The following SUGCT variants were observed in gnomAD, a reference collection of about 807,000 sequenced individuals.
SUGCT encodes succinyl-CoA:glutarate CoA-transferase.
SUGCT carries 41 observed loss-of-function variants against 55.0 expected under a neutral mutation model. The ratio of observed to expected loss-of-function variants is 0.74; its 90% CI spans 0.58 to 0.97. SUGCT has a LOEUF of 0.97. Ranked by LOEUF, SUGCT falls within the 50% of genes least tolerant of loss-of-function variation. The pLI is 0.00. For missense variants in SUGCT, 568 were observed against 547.8 expected, an observed-to-expected ratio of 1.04 and a Z score of -0.37; for synonymous variants, 187 against 200.4, an observed-to-expected ratio of 0.93 and a Z score of 0.56.
intron 8 of SUGCT, among the ~76,000 whole-genome samples, chr7:40,314,560 T>G (rs1795323225): frequency 2.7e-5 from 1 of 36,984 alleles, no homozygotes; most frequent in Non-Finnish European, 8.3e-5. Flanking sequence ...CCCTTGTGTC[T>G]TTTTTTTTTT....
intron 12 of SUGCT, among the ~76,000 whole-genome samples, chr7:40,676,894 CGTGTGTGTGT>C (rs3221667): frequency 8.9e-4 from 128 of 144,052 alleles, no homozygotes; most frequent in Middle Eastern, 3.5e-3. Flanking sequence ...TTCAGAATGA[CGTGTGTGTGT>C]GTGTGTGTGT....
the SUGCT span, among the ~76,000 whole-genome samples, chr7:40,915,154 C>T: frequency 6.6e-6 from 1 of 152,098 alleles, no homozygotes; most frequent in Non-Finnish European, 1.5e-5. Context: ...TCTTAAGGTG[C>T]GGCTGGTTGG....
chr7:40,678,565 A>AAAAT (rs780831390), intron 12 of SUGCT, among the ~76,000 whole-genome samples: 1 of 152,194 alleles, frequency 6.6e-6, no homozygotes, highest in Non-Finnish European at 1.5e-5. Flanking sequence ...TTGGAACCCA[A>AAAAT]AAATAAATAA....
chr7:40,854,135 T>C (rs1793996086), intron 13 of SUGCT, among the ~76,000 whole-genome samples: 1 of 152,272 alleles, frequency 6.6e-6, no homozygotes, highest in South Asian at 2.1e-4. Flanking sequence ...ATTTGGATCT[T>C]GATTTTTCCA....
the SUGCT span, among the ~76,000 whole-genome samples, chr7:40,980,373 C>G: frequency 2.0e-5 from 3 of 152,284 alleles, no homozygotes; most frequent in East Asian, 5.8e-4. Context: ...TTTGCCCCCC[C>G]AAATTCATGC....
At chr7:40,571,668 A>G (rs982592460) in intron 12 of SUGCT, among the ~76,000 whole-genome samples, 1 of 152,184 alleles carries the variant, frequency 6.6e-6, no homozygotes, top group Non-Finnish European at 1.5e-5. Flanking sequence ...AAAAAAATTC[A>G]TTGGCTTGAA....
intron 13 of SUGCT, among the ~76,000 whole-genome samples, chr7:40,840,502 C>T (rs981630331): frequency 1.3e-5 from 2 of 149,032 alleles, no homozygotes; most frequent in African/African-American, 4.9e-5. Flanking sequence ...AACATTCAAT[C>T]AACTAAATGA....
intron 13 of SUGCT, among the ~76,000 whole-genome samples, chr7:40,826,643 G>C (rs1012567): frequency 0.2 from 30,337 of 152,016 alleles, 3,697 homozygotes; most frequent in South Asian, 0.34. Flanking sequence ...TCCTGACAAA[G>C]AGTGACCATT....
chr7:40,546,728 G>A (rs1795014413), intron 12 of SUGCT: 3 of 152,180 alleles, frequency 2.0e-5, no homozygotes, highest in African/African-American at 7.2e-5. Context: ...GGGCATAGTA[G>A]CCCAGCTGAA....
chr7:40,881,926 C>T, the SUGCT span, among the ~76,000 whole-genome samples: 2 of 152,190 alleles, frequency 1.3e-5, no homozygotes, highest in East Asian at 3.9e-4. Context: ...CATGTGAAAA[C>T]CATCACGAAG....
chr7:40,586,291 G>A (rs1033147184), intron 12 of SUGCT, among the ~76,000 whole-genome samples: 2 of 152,094 alleles, frequency 1.3e-5, no homozygotes, highest in Non-Finnish European at 2.9e-5. Flanking sequence ...GCCCAATATG[G>A]CAGCCACTAG....
chr7:40,673,602 T>C (rs796414887), intron 12 of SUGCT, among the ~76,000 whole-genome samples: 6 of 152,352 alleles, frequency 3.9e-5, no homozygotes, highest in African/African-American at 1.2e-4. Flanking sequence ...AAGGGCGCTA[T>C]GTAAAGCTGA....
intron 13 of SUGCT, among the ~76,000 whole-genome samples, chr7:40,818,786 T>A (rs943926034): frequency 1.3e-5 from 2 of 152,092 alleles, no homozygotes; most frequent in African/African-American, 4.8e-5. Flanking sequence ...TACTTTAAGT[T>A]CTAGGGTACA....
the SUGCT span, among the ~76,000 whole-genome samples, chr7:40,977,004 C>T: frequency 6.6e-6 from 1 of 152,228 alleles, no homozygotes; most frequent in African/African-American, 2.4e-5. Context: ...TAAAGGCCTT[C>T]CCCTACCCTG....
intron 11 of SUGCT, among the ~76,000 whole-genome samples, chr7:40,486,849 C>T (rs1364847144): frequency 6.6e-6 from 1 of 151,474 alleles, no homozygotes; most frequent in Non-Finnish European, 1.5e-5. Context: ...CCCCAGCCTC[C>T]TTGTACTATA....
chr7:40,776,378 G>A (rs1193300649), intron 13 of SUGCT, among the ~76,000 whole-genome samples: 1 of 152,010 alleles, frequency 6.6e-6, no homozygotes, highest in African/African-American at 2.4e-5. Flanking sequence ...GTCTTTTTTT[G>A]TTTGTATTTT....
the SUGCT span, among the ~76,000 whole-genome samples, chr7:40,994,828 G>A: frequency 6.6e-6 from 1 of 152,070 alleles, no homozygotes; most frequent in Non-Finnish European, 1.5e-5. Context: ...GCCAGATCTG[G>A]TTGTTTAAAA....
chr7:40,281,748 G>A (rs1415766456), intron 8 of SUGCT, among the ~76,000 whole-genome samples: 3 of 152,194 alleles, frequency 2.0e-5, no homozygotes, highest in African/African-American at 7.2e-5. Context: ...CAGACATGTA[G>A]ACCAAAGGAG....
chr7:41,024,678 G>T, the SUGCT span, among the ~76,000 whole-genome samples: 1 of 107,886 alleles, frequency 9.3e-6, no homozygotes, highest in Non-Finnish European at 1.8e-5. Flanking sequence ...AAAAAAAAAA[G>T]GATGCCTCGT....
Sources: allele counts gnomAD v4.1 joint callset (sites outside exome capture counted in the v4.1 genomes callset), GRCh38; gene constraint gnomAD v4.1.1; transcripts MANE v1.5; gene names NCBI Gene and HGNC (gene_info 2026-07-23, HGNC 2026-07-21).